Variants in HPSE2 observed in about 807,000 individuals in gnomAD.
HPSE2 encodes inactive heparanase-2.
A neutral mutation model predicts 60.5 loss-of-function variants in HPSE2; 38 were observed. The ratio of observed to expected loss-of-function variants is 0.63; its 90% CI spans 0.48 to 0.82. HPSE2 has a LOEUF of 0.82. Ranked by LOEUF, HPSE2 falls within the 40% of genes least tolerant of loss-of-function variation. HPSE2 has a pLI of 0.00. For synonymous variants in HPSE2, 295 were observed against 293.2 expected, an observed-to-expected ratio of 1.01 and a Z score of -0.06; for missense variants, 713 against 740.4, an observed-to-expected ratio of 0.96 and a Z score of 0.43.
At chr10:98,545,746 A>T (rs1943649380) in intron 9 of HPSE2, among the ~76,000 whole-genome samples, 1 of 151,854 alleles carries the variant, frequency 6.6e-6, no homozygotes. Flanking sequence ...CTGGCACAAG[A>T]CAGGGATGCC....
intron 9 of HPSE2, among the ~76,000 whole-genome samples, chr10:98,554,739 TAGAA>T (rs1419270707): frequency 6.6e-6 from 1 of 152,218 alleles, no homozygotes; most frequent in Admixed American, 6.5e-5. Flanking sequence ...CAGTTGCCCT[TAGAA>T]AGCACACTAG....
intron 9 of HPSE2, among the ~76,000 whole-genome samples, chr10:98,544,194 G>T (rs1462609976): frequency 6.6e-6 from 1 of 152,166 alleles, no homozygotes; most frequent in African/African-American, 2.4e-5. Flanking sequence ...AACTGCTCAA[G>T]TACATGGAAG....
intron 3 of HPSE2, among the ~76,000 whole-genome samples, chr10:99,044,628 C>T (rs1456526167): frequency 6.6e-6 from 1 of 152,144 alleles, no homozygotes; most frequent in Non-Finnish European, 1.5e-5. Context: ...CATGTAACAA[C>T]ACCCACAGGC....
chr10:99,072,030 T>G (rs996059180), intron 3 of HPSE2, among the ~76,000 whole-genome samples: 6 of 152,030 alleles, frequency 3.9e-5, no homozygotes, highest in African/African-American at 7.2e-5. Context: ...TGTTTGTTTT[T>G]TTTTTTTTAA....
chr10:98,571,748 A>G (rs1270527045), intron 9 of HPSE2, among the ~76,000 whole-genome samples: 4 of 152,132 alleles, frequency 2.6e-5, no homozygotes, highest in East Asian at 1.9e-4. Context: ...CTTCGAGACA[A>G]AGTTCCATAA....
chr10:99,006,049 T>C (rs1250610679), intron 3 of HPSE2, among the ~76,000 whole-genome samples: 4 of 152,094 alleles, frequency 2.6e-5, no homozygotes, highest in Non-Finnish European at 5.9e-5. Flanking sequence ...TCACAGAGGG[T>C]AGGCCTAGAA....
chr10:99,070,389 A>T (rs931984876), intron 3 of HPSE2, among the ~76,000 whole-genome samples: 2 of 152,222 alleles, frequency 1.3e-5, no homozygotes, highest in Non-Finnish European at 2.9e-5. Flanking sequence ...TCATTAGTAA[A>T]ATGCAAATTA....
intron 2 of HPSE2, among the ~76,000 whole-genome samples, chr10:99,175,505 G>C (rs373015406): frequency 6.6e-6 from 1 of 152,198 alleles, no homozygotes; most frequent in South Asian, 2.1e-4. Flanking sequence ...AAGCAGCTAG[G>C]AAGTTCCAAC....
At chr10:98,493,523 AC>A (rs1941728408) in intron 9 of HPSE2, among the ~76,000 whole-genome samples, 1 of 152,142 alleles carries the variant, frequency 6.6e-6, no homozygotes, top group Non-Finnish European at 1.5e-5. Context: ...CTGCACTGAA[AC>A]TTTTATTAAT....
At chr10:99,036,705 G>C (rs183509346) in intron 3 of HPSE2, among the ~76,000 whole-genome samples, 5 of 152,190 alleles carry the variant, frequency 3.3e-5, no homozygotes, top group Admixed American at 6.5e-5. Flanking sequence ...GCTTAAATTA[G>C]TGGGTAAAAG....
chr10:99,071,649 T>C (rs1433553135), intron 3 of HPSE2, among the ~76,000 whole-genome samples: 1 of 152,228 alleles, frequency 6.6e-6, no homozygotes, highest in East Asian at 1.9e-4. Flanking sequence ...CTAATGCCAA[T>C]GACATGAAGG....
Position 98,482,785 on chromosome 10 carries a change from G to A in HPSE2, c.1467-3C>T. ...TGGACCCACGAACGTAGTTGTGGCT[G>A]AGATCCAGAGAAAGAGAGAAGTGAA... On this transcript the variant is annotated splice_region_variant and splice_polypyrimidine_tract_variant and intron_variant, in intron 10 of 11. Transcript: ENST00000370552. 1 of 1,614,058 alleles carries A rather than the reference G, an allele frequency of 6.2e-7. No individual in the cohort carries two copies. The highest frequency in any genetic ancestry group is 8.5e-7 in the Non-Finnish European group (1 of 1,179,930).
intron 3 of HPSE2, among the ~76,000 whole-genome samples, chr10:98,990,604 T>C (rs185840612): frequency 7.2e-5 from 11 of 152,314 alleles, no homozygotes; most frequent in Non-Finnish European, 1.3e-4. Context: ...TAAACAATGG[T>C]CTTTACCATG....
At chr10:98,609,405 A>G (rs1359770848) in intron 9 of HPSE2, among the ~76,000 whole-genome samples, 2 of 152,244 alleles carry the variant, frequency 1.3e-5, no homozygotes, top group Non-Finnish European at 1.5e-5. Context: ...TTTAAACACA[A>G]TCCTTTTGAA....
At chr10:98,686,180 A>G (rs569484) in intron 6 of HPSE2, among the ~76,000 whole-genome samples, 130,963 of 152,068 alleles carry the variant, frequency 0.86, 58,461 homozygotes, top group Non-Finnish European at 0.99. Context: ...TATTTCCTTC[A>G]TTTTACTTAG....
chr10:98,921,750 T>C (rs1033046295), intron 3 of HPSE2, among the ~76,000 whole-genome samples: 1 of 152,192 alleles, frequency 6.6e-6, no homozygotes, highest in Non-Finnish European at 1.5e-5. Context: ...ATGAGGACAT[T>C]TTCTGAAATC....
At chr10:98,962,653 A>G (rs55873207) in intron 3 of HPSE2, among the ~76,000 whole-genome samples, 70,592 of 148,334 alleles carry the variant, frequency 0.48, 18,738 homozygotes, top group East Asian at 0.61. Context: ...CCCTGTTTGC[A>G]GACGACATGA....
intron 3 of HPSE2, among the ~76,000 whole-genome samples, chr10:99,123,260 A>G (rs1456296485): frequency 6.6e-6 from 1 of 152,208 alleles, no homozygotes; most frequent in Non-Finnish European, 1.5e-5. Context: ...ACTATTAAGA[A>G]AAAGATCAAC....
chr10:99,156,665 G>C (rs1401192447), intron 2 of HPSE2, among the ~76,000 whole-genome samples: 1 of 116,078 alleles, frequency 8.6e-6, no homozygotes, highest in East Asian at 3.0e-4. Flanking sequence ...GCAAAAACTG[G>C]AAGCATTCCC....
Sources: allele counts gnomAD v4.1 joint callset (sites outside exome capture counted in the v4.1 genomes callset), GRCh38; gene constraint gnomAD v4.1.1; transcripts MANE v1.5; gene names NCBI Gene and HGNC (gene_info 2026-07-23, HGNC 2026-07-21).